NAV3: variants seen among roughly 807,000 people sequenced by gnomAD.
NAV3 encodes pore membrane and/or filament interacting like protein 1.
In NAV3, 87 loss-of-function variants were observed where a neutral mutation model predicts 244.7. The ratio of observed to expected loss-of-function variants is 0.36; its 90% CI spans 0.30 to 0.42. NAV3 has a LOEUF of 0.42. NAV3 is among the 20% of genes least tolerant of loss of function. NAV3 has a pLI of 1.00. For synonymous variants in NAV3, 1,126 were observed against 1,042.2 expected (o/e 1.08, Z -1.55); for missense variants, 2,663 against 2,893.3 (o/e 0.92, Z 1.83).
chr12:77,959,124 A>C (rs1054162015), intron 3 of NAV3, among the ~76,000 whole-genome samples: 2 of 152,186 alleles, frequency 1.3e-5, no homozygotes, highest in Non-Finnish European at 2.9e-5. Flanking sequence ...ATCTGCAGTT[A>C]GTTTCTTTGA....
At chr12:78,181,294 A>G (rs1341234991) in intron 30 of NAV3, among the ~76,000 whole-genome samples, 1 of 152,118 alleles carries the variant, frequency 6.6e-6, no homozygotes, top group Non-Finnish European at 1.5e-5. Context: ...CCTAGGAAGT[A>G]CTTTCTCCAT....
At chr12:78,064,422 T>TGCCTGC (rs1566082119) in intron 12 of NAV3, among the ~76,000 whole-genome samples, 2 of 112,972 alleles carry the variant, frequency 1.8e-5, no homozygotes, top group African/African-American at 3.3e-5. Context: ...TGTCTGTCTG[T>TGCCTGC]CTGTCTGCCT....
At chr12:78,167,213 C>A (rs1466799512) in intron 23 of NAV3, among the ~76,000 whole-genome samples, 1 of 151,690 alleles carries the variant, frequency 6.6e-6, no homozygotes, top group Non-Finnish European at 1.5e-5. Flanking sequence ...TTGGGTCTGA[C>A]TTTTGTCATG....
At chr12:77,956,866 C>T (rs1232478423) in intron 3 of NAV3, among the ~76,000 whole-genome samples, 2 of 152,118 alleles carry the variant, frequency 1.3e-5, no homozygotes, top group Non-Finnish European at 2.9e-5. Context: ...CCTCAGCCTC[C>T]AGAGTAGCTG....
intron 8 of NAV3, among the ~76,000 whole-genome samples, chr12:78,016,412 C>T (rs545255703): frequency 3.9e-5 from 6 of 152,164 alleles, no homozygotes; most frequent in Non-Finnish European, 7.4e-5. Flanking sequence ...ACTTGTGCCT[C>T]TTTTTGTCAA....
At position 78,006,665 on chromosome 12, in the gene NAV3, C is replaced by T. The variant is rs1874277284; in HGVS notation, c.1127C>T (p.Thr376Ile). ...LKPPVSEGVK[T>I]APSGQKSMLE... The stretch of plus-strand genomic sequence containing the variant: ...CCACCTGTCTCAGAAGGGGTCAAAA[C>T]TGCTCCCTCAGGACAGAAATCCATG... The change falls in exon 8 of 40, where the codon ACT becomes ATT. Residue 376 changes from threonine to isoleucine, a missense_variant. This residue lies in a region of NAV3 where 1,521 missense variants were observed against 1,497.0 expected (regional missense o/e 1.02). Coordinates refer to ENST00000397909, the MANE Select transcript of NAV3 (RefSeq NM_001024383.2). The T allele has an allele frequency of 3.7e-6, 6 of 1,614,164 alleles. No homozygotes were observed. The Middle Eastern group carries it at 6.6e-4, about 178-fold the overall frequency.
chr12:77,975,680 A>T (rs1868318534), intron 5 of NAV3, among the ~76,000 whole-genome samples: 1 of 152,230 alleles, frequency 6.6e-6, no homozygotes, highest in Admixed American at 6.5e-5. Flanking sequence ...CATCTATCCC[A>T]GTTGCGCTGG....
upstream of NAV3, among the ~76,000 whole-genome samples, chr12:77,828,007 C>T (rs1055179083): frequency 6.6e-6 from 1 of 152,166 alleles, no homozygotes; most frequent in Non-Finnish European, 1.5e-5. Context: ...GACTCTCAGA[C>T]CTTTCCCTCT....
chr12:77,611,989 G>A (rs1870935911), intron 2 of NAV3, among the ~76,000 whole-genome samples: 1 of 152,030 alleles, frequency 6.6e-6, no homozygotes, highest in South Asian at 2.1e-4. Context: ...TATTGTGCCA[G>A]ATATCTGGGG....
At chr12:77,640,105 T>C (rs1055339787) in intron 2 of NAV3, among the ~76,000 whole-genome samples, 5 of 152,198 alleles carry the variant, frequency 3.3e-5, no homozygotes, top group African/African-American at 1.2e-4. Context: ...TCCTCTGTTA[T>C]ACACATGTAG....
chr12:77,789,877 C>A (rs1470837334), intron 2 of NAV3, among the ~76,000 whole-genome samples: 3 of 146,994 alleles, frequency 2.0e-5, no homozygotes, highest in Non-Finnish European at 4.5e-5. Context: ...CAAAAAAAGT[C>A]TCATAACATT....
chr12:77,853,445 T>C (rs1877862314), intron 1 of NAV3, among the ~76,000 whole-genome samples: 1 of 152,210 alleles, frequency 6.6e-6, no homozygotes, highest in African/African-American at 2.4e-5. Context: ...TTCCCTCCCT[T>C]AATAATGTCT....
In NAV3 at chr12:77,668,318, C is replaced by T. The variant is rs762258488; in HGVS notation, c.72+96052C>T. Among the ~76,000 whole-genome samples the T allele has an allele frequency of 8.7e-4, 132 of 151,930 alleles. 2 individuals are homozygous for T. Among genetic ancestry groups the T allele is most frequent in the African/African-American group, 6.3e-4 (26 of 41,430 alleles). On this transcript the variant is annotated intron_variant, in intron 2 of 8. Coordinates refer to the NAV3 transcript ENST00000550042. ...TTGCCAGAAAAAGAATTCAGATGGT[C>T]GACTATTAAGCTAATCAAGGAGGCA...
intron 22 of NAV3, among the ~76,000 whole-genome samples, chr12:78,158,026 A>G (rs1957378953): frequency 1.3e-5 from 2 of 152,162 alleles, no homozygotes; most frequent in African/African-American, 4.8e-5. Context: ...ACTGTTACCA[A>G]TAATGGAATA....
chr12:78,119,849 C>G lies in NAV3; in HGVS notation c.3653C>G (p.Pro1218Arg), dbSNP rs1273592826. ...GAAAGTGTTTCTTTGTCAGGTTCCCCCAAATCCAGCCCCACCTCTGCCAGC... is the reference window on the plus strand; with the variant it reads ...GAAAGTGTTTCTTTGTCAGGTTCCCGCAAATCCAGCCCCACCTCTGCCAGC... ...DSESVSLSGS[P>R]KSSPTSASAC... Residue 1218 changes from proline to arginine, a missense_variant, in exon 15 of 40, where the codon CCC (proline) becomes CGC (arginine). Transcript: ENST00000397909. The G allele has an allele frequency of 6.2e-7, 1 of 1,614,120 alleles. No individual in the cohort carries two copies. The highest frequency in any genetic ancestry group is 1.1e-5 in the South Asian group (1 of 91,078).
intron 1 of NAV3, among the ~76,000 whole-genome samples, chr12:77,877,689 C>T (rs1018576686): frequency 6.6e-6 from 1 of 151,988 alleles, no homozygotes; most frequent in South Asian, 2.1e-4. Context: ...AAATTCTCCA[C>T]CTGAAGGAGG....
intron 1 of NAV3, among the ~76,000 whole-genome samples, chr12:77,933,122 T>G (rs1259466940): frequency 6.6e-6 from 1 of 152,124 alleles, no homozygotes; most frequent in Admixed American, 6.5e-5. Context: ...TAAGGGACAT[T>G]TTTTTTGAAG....
At chr12:77,632,598 G>A (rs903425294) in intron 2 of NAV3, among the ~76,000 whole-genome samples, 40 of 152,168 alleles carry the variant, frequency 2.6e-4, no homozygotes, top group Non-Finnish European at 5.1e-4. Context: ...AATTGTGGGA[G>A]CTACAATTCA....
At chr12:77,665,744 C>A (rs1243796300) in intron 2 of NAV3, among the ~76,000 whole-genome samples, 1 of 152,154 alleles carries the variant, frequency 6.6e-6, no homozygotes, top group Non-Finnish European at 1.5e-5. Flanking sequence ...GTTGAAGCAA[C>A]TGAGGCTCAG....
Sources: gnomAD v4.1 joint callset for allele counts (sites outside exome capture counted in the v4.1 genomes callset) on GRCh38, gnomAD v4.1.1 for gene constraint, gnomAD v4.1.1 regional missense constraint, MANE v1.5 for transcripts, NCBI Gene and HGNC (gene_info 2026-07-23, HGNC 2026-07-21) for gene names.